AHNAK: variants seen among roughly 807,000 people sequenced by gnomAD.
AHNAK encodes the protein AHNAK nucleoprotein, also known as neuroblast differentiation-associated protein AHNAK.
A neutral mutation model predicts 37.8 loss-of-function variants in AHNAK; 23 were observed. The observed-to-expected ratio is 0.61, with a 90% CI of 0.44 to 0.86. The LOEUF is 0.86. Ranked by LOEUF, AHNAK falls within the 40% of genes least tolerant of loss-of-function variation. The probability of loss-of-function intolerance (pLI) is 0.00; values close to 1 mark genes in which losing one functional copy is unlikely to be tolerated. For missense variants in AHNAK, 7,411 were observed against 7,319.4 expected (o/e 1.01, Z -0.46); for synonymous variants, 2,481 against 2,636.3 (o/e 0.94, Z 1.80).
In AHNAK at chr11:62,516,976, T is replaced by A; in HGVS notation, c.17441A>T (p.Lys5814Ile). The change falls in exon 5 of 5, where the codon AAA (lysine) becomes ATA (isoleucine). Residue 5814 changes from lysine (K) to isoleucine (I), a missense_variant. By Grantham distance (102) the Lys-to-Ile change is moderately radical. Coordinates refer to ENST00000378024, the MANE Select transcript of AHNAK (RefSeq NM_001620.3). ...GEVSLEGGKV[K>I]GKHGKLKFGT... ...GAATTTCAGCTTCCCGTGTTTCCCTTTAACTTTCCCACCTTCCAGAGACAC... is the reference window on the plus strand; with the variant it reads ...GAATTTCAGCTTCCCGTGTTTCCCTATAACTTTCCCACCTTCCAGAGACAC... 6.2e-7 allele frequency: 1 copy of A among 1,614,218 alleles called. No homozygotes were observed. Among genetic ancestry groups the A allele is most frequent in the Non-Finnish European group, 8.5e-7 (1 of 1,180,028 alleles).
At chr11:62,433,888 A>G (rs1476801489) in exon 6 of AHNAK, 1 of 1,613,770 alleles carries the variant, frequency 6.2e-7, no homozygotes. Context: ...CCGCTTCTAC[A>G]GTCCTGTAAA....
intron 5 of AHNAK, chr11:62,491,662 C>T (rs759081120): frequency 1.4e-5 from 20 of 1,417,272 alleles, no homozygotes; most frequent in Non-Finnish European, 1.9e-5. Context: ...CAGGCATGCC[C>T]ATCTGTGATA....
chr11:62,450,491 C>T (rs1938513227), intron 5 of AHNAK, among the ~76,000 whole-genome samples: 1 of 152,172 alleles, frequency 6.6e-6, no homozygotes, highest in Non-Finnish European at 1.5e-5. Flanking sequence ...CCACCCTTGG[C>T]CTCTATTTTA....
At chr11:62,439,720 T>C (rs1938263341) in intron 5 of AHNAK, among the ~76,000 whole-genome samples, 1 of 139,556 alleles carries the variant, frequency 7.2e-6, no homozygotes, top group East Asian at 2.2e-4. Flanking sequence ...CAGGCTGGAG[T>C]GTAGTGGCGC....
In AHNAK at chr11:62,533,886, G is replaced by A. The variant is rs754668856; in HGVS notation, c.531C>T (p.Ser177=). 6.2e-7 allele frequency: 1 copy of A among 1,614,186 alleles called. No homozygotes were observed. Among genetic ancestry groups the A allele is most frequent in the Non-Finnish European group, 8.5e-7 (1 of 1,180,034 alleles). Residue 177 remains serine (S), a synonymous_variant, in exon 5 of 5, where the codon AGC becomes AGT. Coordinates refer to ENST00000378024, the MANE Select transcript of AHNAK (RefSeq NM_001620.3). The part of the protein sequence containing the change: ...REGAKDIDIS[S]PEFKIKIPRH... ...TTGGAATCTTGATCTTGAATTCAGG[G>A]CTACTGATGTCTATGTCCTTGGCTC...
Position 62,451,054 on chromosome 11 carries a change from C to A in AHNAK, c.443-17163G>T, listed in dbSNP as rs1565198183. 1.4e-5 allele frequency among the ~76,000 whole-genome samples: 2 copies of A among 145,692 alleles called. 1 individual carries two copies. The highest frequency in any genetic ancestry group is 3.1e-5 in the Non-Finnish European group (2 of 64,398). On this transcript the variant is annotated intron_variant, in intron 5 of 5. Transcript: ENST00000257247. ...CACTGACCCAAAGCTAGGCAGGGGG[C>A]AGGCTCAGATGTTGGTTCTTCCTGG...
intron 5 of AHNAK, among the ~76,000 whole-genome samples, chr11:62,441,690 TG>T (rs1248944926): frequency 6.6e-6 from 1 of 151,822 alleles, no homozygotes; most frequent in Non-Finnish European, 1.5e-5. Context: ...TCAGTAGAGA[TG>T]GGGTTTCACC....
chr11:62,491,671 T>A (rs562537540), intron 5 of AHNAK: 6 of 1,480,510 alleles, frequency 4.1e-6, no homozygotes, highest in Middle Eastern at 1.7e-4. Context: ...CCATCTGTGA[T>A]AAAGGGTATC....
chr11:62,537,957 C>T (rs1165285746), intron 1 of AHNAK, among the ~76,000 whole-genome samples: 1 of 152,056 alleles, frequency 6.6e-6, no homozygotes, highest in Non-Finnish European at 1.5e-5. Flanking sequence ...GCTGGGATTA[C>T]GGGCGTGACC....
intron 4 of AHNAK, among the ~76,000 whole-genome samples, chr11:62,501,634 G>A (rs1229494131): frequency 1.3e-5 from 2 of 152,228 alleles, no homozygotes; most frequent in Non-Finnish European, 2.9e-5. Context: ...ACCCCAGCAT[G>A]ATGTGAGCAC....
rs144613951 is a variant in AHNAK at position 62,519,973 on chromosome 11, T to G, written c.14444A>C (p.Lys4815Thr). Residue 4815 changes from lysine (K) to threonine (T), a missense_variant, in exon 5 of 5, where the codon AAG becomes ACG. Coordinates refer to ENST00000378024, the MANE Select transcript of AHNAK (RefSeq NM_001620.3). Reference sequence around the variant, plus strand: ...CACATCTGGAATATCAACGTCCACCTTGGGTCCCGAGACATCGATGTCGGC... The same window carrying G: ...CACATCTGGAATATCAACGTCCACCGTGGGTCCCGAGACATCGATGTCGGC... ...PKADIDVSGP[K>T]VDVDIPDVNI... 1 of 1,613,730 alleles carries G rather than the reference T, an allele frequency of 6.2e-7. No individual in the cohort carries two copies. The highest frequency in any genetic ancestry group is 1.1e-5 in the South Asian group (1 of 91,052).
chr11:62,524,074 T>C lies in AHNAK; in HGVS notation c.10343A>G (p.Lys3448Arg). 6.2e-7 allele frequency: 1 copy of C among 1,614,156 alleles called. No individual in the cohort carries two copies. Among genetic ancestry groups the C allele is most frequent in the Non-Finnish European group, 8.5e-7 (1 of 1,180,004 alleles). Reference protein sequence around the residue: ...PNLEGDFKGPKVDIKAPEVNL... With the variant: ...PNLEGDFKGPRVDIKAPEVNL... ...GACTTCTGGTGCCTTAATATCCACTTTGGGGCCTTTAAAGTCACCTTCTAA... is the reference window on the plus strand; with the variant it reads ...GACTTCTGGTGCCTTAATATCCACTCTGGGGCCTTTAAAGTCACCTTCTAA... Residue 3448 changes from lysine (K) to arginine (R), a missense_variant, in exon 5 of 5, where the codon AAA (lysine) becomes AGA (arginine). By Grantham distance (26) the Lys-to-Arg change is conservative. Coordinates refer to ENST00000378024, the MANE Select transcript of AHNAK (RefSeq NM_001620.3).
At chr11:62,462,987 C>T (rs2513057) in intron 5 of AHNAK, among the ~76,000 whole-genome samples, 58,844 of 151,630 alleles carry the variant, frequency 0.39, 13,310 homozygotes, top group South Asian at 0.68. Flanking sequence ...AAAAATTAGC[C>T]GGGCGTGGTG....
chr11:62,450,314 C>T (rs181145249), intron 5 of AHNAK, among the ~76,000 whole-genome samples: 278 of 151,812 alleles, frequency 1.8e-3, no homozygotes, highest in African/African-American at 6.1e-3. Flanking sequence ...CCCACCACCA[C>T]GCCCGGCTAT....
At position 62,517,292 on chromosome 11, in the gene AHNAK, T is replaced by A; in HGVS notation, c.17125A>T (p.Lys5709Ter). Reference protein sequence around the residue: ...EWEESEVKLKKSKIKMPKFNF... With the variant: ...EWEESEVKLK ...AACTTGGGCATTTTGATCTTGGACTTTTTCAGTTTGACTTCAGACTCTTCC... is the reference window on the plus strand; with the variant it reads ...AACTTGGGCATTTTGATCTTGGACTATTTCAGTTTGACTTCAGACTCTTCC... Residue 5709 changes from lysine to a stop codon, truncating the protein, a stop_gained, in exon 5 of 5, where the codon AAG becomes TAG. Coordinates refer to ENST00000378024, the MANE Select transcript of AHNAK (RefSeq NM_001620.3). LOFTEE classifies it high-confidence loss of function. 1 of 1,614,118 alleles carries A rather than the reference T, an allele frequency of 6.2e-7. No homozygotes were observed.
In AHNAK at chr11:62,524,838, C is replaced by T. The variant is rs1346000387; in HGVS notation, c.9579G>A (p.Val3193=). 1 of 1,614,014 alleles carries T rather than the reference C, an allele frequency of 6.2e-7. No individual in the cohort carries two copies. The highest frequency in any genetic ancestry group is 8.5e-7 in the Non-Finnish European group (1 of 1,180,032). ...GPKVDVDVPD[V]NIEGPDAKLK... ...GTTTCGCATCTGGACCTTCAATATT[C>T]ACATCTGGAACATCAACGTCCACCT... Residue 3193 remains valine, a synonymous_variant, in exon 5 of 5, where the codon GTG becomes GTA. Transcript: ENST00000378024.
intron 5 of AHNAK, among the ~76,000 whole-genome samples, chr11:62,483,074 G>C (rs761953958): frequency 6.6e-6 from 1 of 152,158 alleles, no homozygotes; most frequent in African/African-American, 2.4e-5. Context: ...TGCCTGGAGA[G>C]TGACCTGGTC....
rs1940478266 is a variant in AHNAK at position 62,526,196 on chromosome 11, C to T, written c.8221G>A (p.Val2741Ile). The T allele has an allele frequency of 3.7e-6, 6 of 1,613,872 alleles. No homozygotes were observed. The South Asian group carries it at 4.4e-5, about 12-fold the overall frequency. ...TCCACTTTTGGGCCCTTGATGTCAA[C>T]TTCTGGGCCCTTGAGGTCACCTTCC... ...KVEGDLKGPE[V>I]DIKGPKVDID... The change falls in exon 5 of 5, where the codon GTT becomes ATT. Residue 2741 changes from valine (V) to isoleucine (I), a missense_variant. Coordinates refer to ENST00000378024, the MANE Select transcript of AHNAK (RefSeq NM_001620.3).
At chr11:62,472,340 T>C (rs1192834947) in intron 5 of AHNAK, among the ~76,000 whole-genome samples, 1 of 152,028 alleles carries the variant, frequency 6.6e-6, no homozygotes, top group African/African-American at 2.4e-5. Context: ...GCTCCTTGCC[T>C]TCCCCTCTGA....
Sources: allele counts gnomAD v4.1 joint callset (sites outside exome capture counted in the v4.1 genomes callset), GRCh38; gene constraint gnomAD v4.1.1; transcripts MANE v1.5; gene names NCBI Gene and HGNC (gene_info 2026-07-23, HGNC 2026-07-21).